Variants in ZNF341 observed in about 807,000 individuals in gnomAD.
ZNF341 encodes the protein zinc finger protein 341.
In ZNF341, 52 loss-of-function variants were observed where a neutral mutation model predicts 87.7. That is an observed-to-expected ratio of 0.59 (90% CI 0.47 to 0.75). The LOEUF (loss-of-function observed/expected upper bound fraction) is 0.75, where lower values mean the gene tolerates loss of function less well. ZNF341 is among the 30% of genes least tolerant of loss of function. The pLI is 0.00. For missense variants in ZNF341, 977 were observed against 1,145.9 expected (o/e 0.85, Z 2.13); for synonymous variants, 459 against 472.7 (o/e 0.97, Z 0.38).
At chr20:33,761,255 A>T (rs771932785) in intron 7 of ZNF341, among the ~76,000 whole-genome samples, 11 of 151,628 alleles carry the variant, frequency 7.3e-5, no homozygotes, top group Non-Finnish European at 1.5e-4. Flanking sequence ...TTCAAATGAC[A>T]GAAGTCCCTA....
At chr20:33,757,412 T>C in intron 6 of ZNF341, 69 bp downstream of exon 6, 1 of 1,325,078 alleles carries the variant, frequency 7.5e-7, no homozygotes, top group Non-Finnish European at 9.9e-7. Flanking sequence ...TTGGTTCTGG[T>C]CTTCCCTTTT....
intron 10 of ZNF341, among the ~76,000 whole-genome samples, chr20:33,771,475 G>C (rs533233919): frequency 6.6e-6 from 1 of 151,812 alleles, no homozygotes; most frequent in East Asian, 2.0e-4. Flanking sequence ...TGAATTCCTG[G>C]ACTCAAGTGA....
intron 1 of ZNF341, among the ~76,000 whole-genome samples, chr20:33,735,483 C>CA (rs1167051704): frequency 6.6e-6 from 1 of 152,018 alleles, no homozygotes; most frequent in East Asian, 1.9e-4. Context: ...GACACCCAGC[C>CA]AATTTTTTAA....
At position 33,752,652 on chromosome 20, in the gene ZNF341, CTTTTTTT is replaced by C. The variant is rs956277736; in HGVS notation, c.490-508_490-502del. 3.3e-3 allele frequency: 573 copies of C among 175,440 alleles called. 3 individuals are homozygous for C. Among genetic ancestry groups the C allele is most frequent in the African/African-American group, 0.015 (521 of 34,760 alleles). 10.9% of individuals were successfully genotyped at this position (175,440 alleles called of 1,614,324 possible). ...AGGTCATTTTTGCCTATTTTCTTTT[CTTTTTTT>C]TTTTTTTTTTTGAGATGGAGTCTTG... On this transcript the variant is annotated intron_variant, in intron 4 of 14. Coordinates refer to ENST00000375200, the MANE Select transcript of ZNF341 (RefSeq NM_001282933.2).
chr20:33,744,504 A>T lies in ZNF341; in HGVS notation c.143-599A>T, dbSNP rs142850558. Among the ~76,000 whole-genome samples the T allele has an allele frequency of 4.0e-4, 61 of 152,284 alleles. 1 individual carries two copies. In the East Asian group the frequency reaches 0.012, roughly 29 times the overall value. ...CAGGATAAAGGTTCTGGAGTTCTCA[A>T]CTTTGTAGTGAACATACTTTACTGT... On this transcript the variant is annotated intron_variant, in intron 2 of 14. Coordinates refer to ENST00000375200, the MANE Select transcript of ZNF341 (RefSeq NM_001282933.2).
At chr20:33,764,173 C>T (rs1020175831) in intron 8 of ZNF341, among the ~76,000 whole-genome samples, 7 of 150,808 alleles carry the variant, frequency 4.6e-5, no homozygotes, top group African/African-American at 9.7e-5. Context: ...TACAGGCTCC[C>T]GCCACCATGC....
rs1040160585 is a variant in ZNF341, at chr20:33,772,221, G to T, written c.1622+1929G>T. 3.3e-5 allele frequency among the ~76,000 whole-genome samples: 5 copies of T among 152,082 alleles called. No homozygotes were observed. In the East Asian group the frequency reaches 9.7e-4, roughly 29 times the overall value. ...TCTGCAGTCATTTTGCTGTACATTT[G>T]CCTGCATCATCTGGGAGCACCTGCC... is the stretch of plus-strand genomic sequence containing the variant. On this transcript the variant is annotated intron_variant, in intron 10 of 14. Transcript: ENST00000375200.
intron 9 of ZNF341, among the ~76,000 whole-genome samples, chr20:33,769,384 G>T (rs1265138055): frequency 2.7e-5 from 4 of 149,278 alleles, no homozygotes; most frequent in Non-Finnish European, 4.5e-5. Flanking sequence ...GTGGGGGGGG[G>T]GGCAGTGGGA....
At chr20:33,752,137 A>G in intron 4 of ZNF341, 1 of 391,726 alleles carries the variant, frequency 2.6e-6, no homozygotes, top group East Asian at 6.9e-5. Context: ...TAATTTTATA[A>G]CTTTATTTGA....
intron 4 of ZNF341, among the ~76,000 whole-genome samples, chr20:33,750,659 A>G (rs765377134): frequency 6.7e-6 from 1 of 149,336 alleles, no homozygotes; most frequent in South Asian, 2.1e-4. Flanking sequence ...TTTTTTTTTG[A>G]GATGGAGTCT....
chr20:33,784,699 C>T (rs2626542), intron 12 of ZNF341, among the ~76,000 whole-genome samples: 3 of 151,660 alleles, frequency 2.0e-5, no homozygotes, highest in African/African-American at 7.3e-5. Context: ...ACTGCAACCT[C>T]TGCCTCCCGG....
chr20:33,735,542 T>G lies in ZNF341; in HGVS notation c.31+3490T>G, dbSNP rs369434594. On this transcript the variant is annotated intron_variant, in intron 1 of 14. Transcript: ENST00000375200. Reference sequence around the variant, plus strand: ...TATGTTGCCCAGGTTGATCTTGAACTCCTAGCATCAAGCAGTCCTCCTGCA... The same window carrying G: ...TATGTTGCCCAGGTTGATCTTGAACGCCTAGCATCAAGCAGTCCTCCTGCA... Among the ~76,000 whole-genome samples, 3 of 152,176 alleles carry G rather than the reference T, an allele frequency of 2.0e-5. No homozygotes were observed. The East Asian group carries it at 5.8e-4, about 29-fold the overall frequency.
At position 33,791,593 on chromosome 20, in the gene ZNF341, G is replaced by T; in HGVS notation, c.*76G>T. The T allele has an allele frequency of 7.1e-7, 1 of 1,416,952 alleles. No individual in the cohort carries two copies. 87.8% of individuals were successfully genotyped at this position (1,416,952 alleles called of 1,614,324 possible). A position where few individuals can be genotyped will look rare whatever the true frequency, so the allele number is the denominator to read the frequency against. Reference sequence around the variant, plus strand: ...CCAGGGCCCCTGGGGGCAGACCGGTGATCCTTACCAGTGGAAGCGAGCCAT... The same window carrying T: ...CCAGGGCCCCTGGGGGCAGACCGGTTATCCTTACCAGTGGAAGCGAGCCAT... On this transcript the variant is annotated 3_prime_UTR_variant, in exon 15 of 15. Transcript: ENST00000375200.
intron 10 of ZNF341, among the ~76,000 whole-genome samples, chr20:33,776,334 C>T (rs2122716568): frequency 6.6e-6 from 1 of 152,090 alleles, no homozygotes; most frequent in East Asian, 1.9e-4. Flanking sequence ...CTCAAGTGAT[C>T]CTCCTACCTT....
intron 2 of ZNF341, among the ~76,000 whole-genome samples, chr20:33,742,441 C>T (rs372261737): frequency 6.6e-6 from 1 of 152,048 alleles, no homozygotes; most frequent in Non-Finnish European, 1.5e-5. Context: ...CATGATCACC[C>T]GCCTCGGCCT....
chr20:33,770,236 G>A lies in ZNF341; in HGVS notation c.1566G>A (p.Gln522=), dbSNP rs745990350. The A allele has an allele frequency of 6.2e-6, 10 of 1,606,534 alleles. No homozygotes were observed. The highest frequency in any genetic ancestry group is 6.8e-6 in the Non-Finnish European group (8 of 1,175,350). ...CGCTGTACGACCTGGGCGTGCACCA[G>A]TACTCCCACAGCCTCCTGCCACAGC... ...FPSLYDLGVH[Q]YSHSLLPQHS... Residue 522 remains glutamine (Q), a synonymous_variant, in exon 10 of 15, where the codon CAG becomes CAA. Coordinates refer to ENST00000375200, the MANE Select transcript of ZNF341 (RefSeq NM_001282933.2).
intron 2 of ZNF341, among the ~76,000 whole-genome samples, chr20:33,744,450 T>C (rs2018874108): frequency 6.6e-6 from 1 of 152,146 alleles, no homozygotes; most frequent in South Asian, 2.1e-4. Context: ...ATCAGGTGGC[T>C]CATTTGGGGA....
rs1568928541 is a variant in ZNF341, at chr20:33,732,793, C to G, written c.31+741C>G. Among the ~76,000 whole-genome samples, 1 of 152,218 alleles carries G rather than the reference C, an allele frequency of 6.6e-6. No homozygotes were observed. Among genetic ancestry groups the G allele is most frequent in the African/African-American group, 2.4e-5 (1 of 41,462 alleles). On this transcript the variant is annotated intron_variant, in intron 1 of 14. Coordinates refer to ENST00000375200, the MANE Select transcript of ZNF341 (RefSeq NM_001282933.2). The surrounding 1 kb of genome is among the most constrained non-coding windows in gnomAD (Gnocchi z 4.5). ...ATGGGGTTGGTGCTCAGGCTCAAAA[C>G]TGTGGGCTTTGGAGACAGCAAACAC...
chr20:33,789,078 CTT>C (rs397692441), intron 13 of ZNF341, 104 bp downstream of exon 13: 11,081 of 577,748 alleles, frequency 0.019, no homozygotes, highest in East Asian at 0.025. Flanking sequence ...CAGGCCTCTC[CTT>C]TTTTTTTTTT....
Sources: allele counts gnomAD v4.1 joint callset (sites outside exome capture counted in the v4.1 genomes callset), GRCh38; gene constraint gnomAD v4.1.1; non-coding constraint Gnocchi (gnomAD v3.1); transcripts MANE v1.5; gene names NCBI Gene and HGNC (gene_info 2026-07-23, HGNC 2026-07-21).